Variants in SETD7 observed in about 807,000 individuals in gnomAD.
The protein encoded by SETD7 is SET domain containing 7, histone lysine methyltransferase, also known as histone-lysine N-methyltransferase SETD7.
Under a neutral mutation model 41.8 loss-of-function variants are expected in SETD7, and 16 were observed. The ratio of observed to expected loss-of-function variants is 0.38; its 90% CI spans 0.26 to 0.58. SETD7 has a LOEUF of 0.58. Ranked by LOEUF, SETD7 falls within the 20% of genes least tolerant of loss-of-function variation. SETD7 has a pLI of 0.64. For missense variants in SETD7, 346 were observed against 459.7 expected (o/e 0.75, Z 2.26); for synonymous variants, 163 against 169.7 (o/e 0.96, Z 0.31).
intron 2 of SETD7, among the ~76,000 whole-genome samples, chr4:139,536,951 C>T (rs1460133678): frequency 6.6e-6 from 1 of 152,076 alleles, no homozygotes; most frequent in Non-Finnish European, 1.5e-5. Context: ...TGCAGCGAGC[C>T]GAGATCGCAC....
At chr4:139,501,203 T>C (rs1267661759), downstream of SETD7, among the ~76,000 whole-genome samples, 6 of 152,180 alleles carry the variant, frequency 3.9e-5, no homozygotes, top group Non-Finnish European at 8.8e-5. Flanking sequence ...AAGGCAAGGA[T>C]TTTGTTTTTA....
At chr4:139,522,362 G>A (rs11937702) in intron 5 of SETD7, among the ~76,000 whole-genome samples, 24,162 of 152,170 alleles carry the variant, frequency 0.16, 2,390 homozygotes, top group African/African-American at 0.27. Flanking sequence ...ATCCCAGAGA[G>A]GGTACCAGAA....
exon 8 of SETD7, chr4:139,496,434 C>A (rs1046064690): frequency 2.8e-6 from 2 of 702,494 alleles, no homozygotes; most frequent in Non-Finnish European, 5.2e-6. Context: ...TGTGTTCTAC[C>A]CAGGGCGCTT....
intron 3 of SETD7, among the ~76,000 whole-genome samples, chr4:139,531,984 C>A (rs910989204): frequency 2.0e-5 from 3 of 152,148 alleles, no homozygotes; most frequent in Non-Finnish European, 4.4e-5. Context: ...ATCCCAGCTA[C>A]TTGGGAGGCT....
At chr4:139,521,024 C>T (rs1727164851) in intron 5 of SETD7, among the ~76,000 whole-genome samples, 2 of 152,176 alleles carry the variant, frequency 1.3e-5, no homozygotes, top group Admixed American at 1.3e-4. Flanking sequence ...TGCTTTAGCT[C>T]TACAAAGGCA....
At chr4:139,497,554 C>T (rs758628435) in intron 7 of SETD7, among the ~76,000 whole-genome samples, 5 of 151,960 alleles carry the variant, frequency 3.3e-5, no homozygotes, top group Non-Finnish European at 7.4e-5. Flanking sequence ...TAGGAAAGAA[C>T]ATCAACTGAG....
At chr4:139,503,179 GAAAAA>G (rs11388022), downstream of SETD7, among the ~76,000 whole-genome samples, 1 of 73,160 alleles carries the variant, frequency 1.4e-5, no homozygotes, top group Non-Finnish European at 2.3e-5. Context: ...CTCTGTCTCA[GAAAAA>G]AAAAAAAAAA....
intron 3 of SETD7, among the ~76,000 whole-genome samples, chr4:139,530,328 A>C (rs1727446961): frequency 6.8e-6 from 1 of 147,974 alleles, no homozygotes; most frequent in Admixed American, 6.8e-5. Flanking sequence ...ATGATGTAGG[A>C]TGACTTTTGA....
intron 1 of SETD7, among the ~76,000 whole-genome samples, chr4:139,549,044 G>A (rs1728039514): frequency 6.6e-6 from 1 of 151,888 alleles, no homozygotes; most frequent in African/African-American, 2.4e-5. Flanking sequence ...GCCACTCAGT[G>A]TATTGCTAAG....
intron 4 of SETD7, among the ~76,000 whole-genome samples, chr4:139,524,609 C>T (rs1208737535): frequency 6.6e-6 from 1 of 152,188 alleles, no homozygotes; most frequent in African/African-American, 2.4e-5. Flanking sequence ...CTGCCTTCTC[C>T]TGCTTTGTCC....
At chr4:139,502,920 C>T (rs990711547), downstream of SETD7, among the ~76,000 whole-genome samples, 5 of 152,080 alleles carry the variant, frequency 3.3e-5, no homozygotes, top group East Asian at 1.9e-4. Flanking sequence ...TGGTGGCTCA[C>T]GCCTGTAATC....
downstream of SETD7, among the ~76,000 whole-genome samples, chr4:139,503,142 C>A (rs576887450): frequency 1.5e-5 from 2 of 130,250 alleles, no homozygotes; most frequent in Admixed American, 1.8e-4. Flanking sequence ...TGCGCCACTG[C>A]ACTCCAGTAT....
At chr4:139,524,448 G>C (rs1727264668) in intron 4 of SETD7, among the ~76,000 whole-genome samples, 1 of 152,246 alleles carries the variant, frequency 6.6e-6, no homozygotes, top group Non-Finnish European at 1.5e-5. Context: ...TGCCACTGGA[G>C]GCCGGAGGGA....
chr4:139,549,316 C>T (rs899356277), intron 1 of SETD7, among the ~76,000 whole-genome samples: 1 of 152,064 alleles, frequency 6.6e-6, no homozygotes, highest in Non-Finnish European at 1.5e-5. Context: ...AAAAAATGTC[C>T]AATATAAATT....
At chr4:139,515,666 G>A (rs894291365) in intron 7 of SETD7, among the ~76,000 whole-genome samples, 22 of 152,264 alleles carry the variant, frequency 1.4e-4, no homozygotes, top group African/African-American at 5.1e-4. Context: ...ATTTCTACCC[G>A]TCCTTTAAAC....
At chr4:139,538,735 A>T (rs1727706456) in intron 2 of SETD7, among the ~76,000 whole-genome samples, 3 of 151,454 alleles carry the variant, frequency 2.0e-5, no homozygotes, top group Admixed American at 2.0e-4. Flanking sequence ...GTATTTTCTT[A>T]AAGTTCCTTT....
intron 1 of SETD7, 55 bp downstream of exon 1, chr4:139,556,043 T>C: frequency 6.6e-7 from 1 of 1,521,342 alleles, no homozygotes; most frequent in Non-Finnish European, 8.8e-7. Flanking sequence ...CGCCACTCCT[T>C]CCGCGCTCCA....
downstream of SETD7, among the ~76,000 whole-genome samples, chr4:139,501,968 T>C (rs1349447071): frequency 6.6e-6 from 1 of 152,192 alleles, no homozygotes. Context: ...GCAAAGTTAG[T>C]GAGCTCAATC....
chr4:139,525,941 G>A (rs1291138600), intron 4 of SETD7, among the ~76,000 whole-genome samples: 7 of 152,170 alleles, frequency 4.6e-5, no homozygotes, highest in Non-Finnish European at 8.8e-5. Flanking sequence ...AACACCTGAG[G>A]TCTGCAGGAA....
Sources: gnomAD v4.1 joint callset for allele counts (sites outside exome capture counted in the v4.1 genomes callset) on GRCh38, gnomAD v4.1.1 for gene constraint, MANE v1.5 for transcripts, NCBI Gene and HGNC (gene_info 2026-07-23, HGNC 2026-07-21) for gene names.